Variants in NKAIN2 observed in about 807,000 individuals in gnomAD.
The protein encoded by NKAIN2 is sodium/potassium-transporting ATPase subunit beta-1-interacting protein 2.
A neutral mutation model predicts 32.6 loss-of-function variants in NKAIN2; 14 were observed. That is an observed-to-expected ratio of 0.43 (90% CI 0.28 to 0.67). The LOEUF is 0.67. NKAIN2 is among the 30% of genes least tolerant of loss of function. The pLI, the probability that NKAIN2 is intolerant of heterozygous loss-of-function variation, is 0.17. For synonymous variants in NKAIN2, 80 were observed against 87.2 expected (o/e 0.92, Z 0.46); for missense variants, 198 against 258.3 (o/e 0.77, Z 1.60).
At chr6:124,255,107 G>T (rs1396871196) in intron 1 of NKAIN2, among the ~76,000 whole-genome samples, 1 of 152,132 alleles carries the variant, frequency 6.6e-6, no homozygotes, top group Non-Finnish European at 1.5e-5. Context: ...GGTGATAATT[G>T]CTCAGAACTC....
At chr6:124,387,225 A>G (rs1450753283) in intron 3 of NKAIN2, among the ~76,000 whole-genome samples, 2 of 152,128 alleles carry the variant, frequency 1.3e-5, no homozygotes, top group Non-Finnish European at 2.9e-5. Context: ...TAGAAAAATG[A>G]TAAGCAAGCA....
chr6:123,881,920 A>G (rs560531399), intron 1 of NKAIN2, among the ~76,000 whole-genome samples: 1 of 152,254 alleles, frequency 6.6e-6, no homozygotes, highest in Non-Finnish European at 1.5e-5. Context: ...AAAATTCAAT[A>G]TTATTATTTT....
chr6:124,179,262 G>C (rs1789315752), intron 1 of NKAIN2, among the ~76,000 whole-genome samples: 1 of 152,172 alleles, frequency 6.6e-6, no homozygotes, highest in Admixed American at 6.5e-5. Flanking sequence ...AAGGTGACTG[G>C]GGAAGAGTTT....
intron 2 of NKAIN2, among the ~76,000 whole-genome samples, chr6:124,314,866 G>A (rs1796876322): frequency 1.3e-5 from 2 of 152,150 alleles, no homozygotes; most frequent in Non-Finnish European, 2.9e-5. Flanking sequence ...TATTCTACTA[G>A]GATAAGTTGT....
intron 2 of NKAIN2, among the ~76,000 whole-genome samples, chr6:124,337,524 A>G (rs962559636): frequency 2.0e-5 from 3 of 152,154 alleles, no homozygotes; most frequent in African/African-American, 7.2e-5. Context: ...CAAACCAAAT[A>G]AAAAAACAAC....
chr6:124,720,534 G>A (rs947000072), intron 4 of NKAIN2, among the ~76,000 whole-genome samples: 8 of 152,134 alleles, frequency 5.3e-5, no homozygotes, highest in African/African-American at 1.7e-4. Flanking sequence ...AATATTACTC[G>A]GTCCTGTTTC....
chr6:124,749,600 G>A (rs900853779), intron 4 of NKAIN2, among the ~76,000 whole-genome samples: 2 of 151,848 alleles, frequency 1.3e-5, no homozygotes, highest in Non-Finnish European at 2.9e-5. Flanking sequence ...TGTGTGCATC[G>A]TCATACTGGG....
intron 1 of NKAIN2, among the ~76,000 whole-genome samples, chr6:123,967,161 A>G (rs994597312): frequency 1.3e-5 from 2 of 152,162 alleles, no homozygotes; most frequent in Non-Finnish European, 2.9e-5. Flanking sequence ...TTTCCTTGTA[A>G]TTTCCTCAAA....
chr6:124,568,305 C>A (rs1780997361), intron 3 of NKAIN2, among the ~76,000 whole-genome samples: 1 of 152,126 alleles, frequency 6.6e-6, no homozygotes, highest in Non-Finnish European at 1.5e-5. Context: ...AATTAGTGCC[C>A]ACTAGGCCCT....
intron 1 of NKAIN2, among the ~76,000 whole-genome samples, chr6:123,811,705 C>T (rs1275439396): frequency 2.0e-5 from 3 of 151,772 alleles, no homozygotes; most frequent in South Asian, 2.1e-4. Context: ...ATGTTTTAAC[C>T]TTTCAGAACA....
chr6:123,970,243 T>C (rs1429493757), intron 1 of NKAIN2, among the ~76,000 whole-genome samples: 4 of 152,152 alleles, frequency 2.6e-5, no homozygotes, highest in Non-Finnish European at 5.9e-5. Context: ...TTCATTTTAT[T>C]TTGCAAAGTT....
At chr6:124,253,029 G>GA (rs2114814368) in intron 1 of NKAIN2, among the ~76,000 whole-genome samples, 1 of 152,168 alleles carries the variant, frequency 6.6e-6, no homozygotes, top group East Asian at 1.9e-4. Flanking sequence ...ACAAAGAGAG[G>GA]AAAAATACCA....
chr6:123,967,602 A>G (rs1051479395), intron 1 of NKAIN2, among the ~76,000 whole-genome samples: 2 of 152,104 alleles, frequency 1.3e-5, no homozygotes, highest in Admixed American at 6.5e-5. Flanking sequence ...TCCACCCCCA[A>G]CTGAAGGTTG....
chr6:123,937,554 G>C (rs1776575700), intron 1 of NKAIN2, among the ~76,000 whole-genome samples: 1 of 152,086 alleles, frequency 6.6e-6, no homozygotes, highest in Admixed American at 6.6e-5. Context: ...TCTATAAATT[G>C]CTTCATCATT....
chr6:124,821,988 C>T (rs1781414863), intron 6 of NKAIN2, among the ~76,000 whole-genome samples: 1 of 152,204 alleles, frequency 6.6e-6, no homozygotes, highest in African/African-American at 2.4e-5. Context: ...CTTAGACAGA[C>T]TGTGAGTTTG....
At chr6:123,892,171 T>C (rs1322145139) in intron 1 of NKAIN2, among the ~76,000 whole-genome samples, 1 of 152,138 alleles carries the variant, frequency 6.6e-6, no homozygotes, top group African/African-American at 2.4e-5. Context: ...CACAGGCAGG[T>C]CAAACTGCAT....
intron 3 of NKAIN2, among the ~76,000 whole-genome samples, chr6:124,504,291 G>A (rs961884232): frequency 6.6e-6 from 1 of 152,076 alleles, no homozygotes; most frequent in Non-Finnish European, 1.5e-5. Flanking sequence ...TTGCATAGGA[G>A]TGATGTTTTT....
At chr6:124,269,429 T>C (rs1256593864) in intron 1 of NKAIN2, among the ~76,000 whole-genome samples, 12 of 125,800 alleles carry the variant, frequency 9.5e-5, no homozygotes, top group Non-Finnish European at 1.9e-4. Context: ...GCAATTTCTT[T>C]TTCTTTTCTT....
intron 3 of NKAIN2, among the ~76,000 whole-genome samples, chr6:124,381,669 A>C (rs1398612646): frequency 6.6e-6 from 1 of 152,206 alleles, no homozygotes; most frequent in Non-Finnish European, 1.5e-5. Context: ...ACAGTTAAGG[A>C]GAAGACAGTA....
Sources: allele counts gnomAD v4.1 joint callset (sites outside exome capture counted in the v4.1 genomes callset), GRCh38; gene constraint gnomAD v4.1.1; transcripts MANE v1.5; gene names NCBI Gene and HGNC (gene_info 2026-07-23, HGNC 2026-07-21).